Variants in ERBB4 observed in about 807,000 individuals in gnomAD.
ERBB4 encodes receptor tyrosine-protein kinase erbB-4.
Under a neutral mutation model 158.0 loss-of-function variants are expected in ERBB4, and 42 were observed. That is an observed-to-expected ratio of 0.27 (90% CI 0.21 to 0.34). The LOEUF (loss-of-function observed/expected upper bound fraction) is 0.34, where lower values mean the gene tolerates loss of function less well. Among genes scored for constraint, ERBB4 ranks in the 10% least tolerant of loss-of-function variants. The pLI, the probability that ERBB4 is intolerant of heterozygous loss-of-function variation, is 1.00. For missense variants in ERBB4, 1,333 were observed against 1,624.1 expected, an observed-to-expected ratio of 0.82 and a Z score of 3.08; for synonymous variants, 583 against 558.7, an observed-to-expected ratio of 1.04 and a Z score of -0.61.
chr2:211,640,766 ATAG>A (rs1010700058), intron 16 of ERBB4, among the ~76,000 whole-genome samples: 6 of 152,306 alleles, frequency 3.9e-5, no homozygotes, highest in African/African-American at 1.4e-4. Flanking sequence ...CTCATGAGTA[ATAG>A]TGAAAGACAG....
At chr2:211,998,616 G>A (rs1011736490) in intron 2 of ERBB4, among the ~76,000 whole-genome samples, 4 of 148,394 alleles carry the variant, frequency 2.7e-5, no homozygotes, top group African/African-American at 5.0e-5. Flanking sequence ...TGTTTTAAAT[G>A]TAAGACAGCA....
At chr2:212,307,300 G>A (rs12468470) in intron 1 of ERBB4, among the ~76,000 whole-genome samples, 4 of 150,572 alleles carry the variant, frequency 2.7e-5, no homozygotes, top group African/African-American at 9.7e-5. Flanking sequence ...TGACAGCAGG[G>A]TAGTTCCTCT....
intron 20 of ERBB4, among the ~76,000 whole-genome samples, chr2:211,474,283 T>C (rs1239120622): frequency 6.6e-6 from 1 of 151,972 alleles, no homozygotes. Flanking sequence ...AGATAAATAA[T>C]AAAAACCAAA....
rs111279171 is a variant in ERBB4, at chr2:211,666,268, C to T, written c.1717-791G>A. On this transcript the variant is annotated intron_variant, in intron 14 of 27. Transcript: ENST00000342788. Reference sequence around the variant, plus strand: ...GCACATTTTGATGAGCAAAATAGTCCATAATAATAAAGCAAATACATACAA... The same window carrying T: ...GCACATTTTGATGAGCAAAATAGTCTATAATAATAAAGCAAATACATACAA... Among the ~76,000 whole-genome samples, 611 of 151,838 alleles carry T rather than the reference C, an allele frequency of 4.0e-3. 4 individuals carry two copies. The highest frequency in any genetic ancestry group is 0.014 in the African/African-American group (574 of 41,432).
At chr2:212,170,269 C>T (rs1450456412) in intron 1 of ERBB4, among the ~76,000 whole-genome samples, 2 of 152,170 alleles carry the variant, frequency 1.3e-5, no homozygotes, top group African/African-American at 2.4e-5. Flanking sequence ...TATGCTTTAG[C>T]AAAGAGACTG....
At chr2:211,673,279 G>A (rs368629868) in intron 13 of ERBB4, 22 bp from the exon 14 acceptor site, 5 of 1,562,934 alleles carry the variant, frequency 3.2e-6, no homozygotes, top group African/African-American at 2.7e-5. Flanking sequence ...TCAGCCACAT[G>A]AGGAGGTGTA....
intron 19 of ERBB4, among the ~76,000 whole-genome samples, chr2:211,592,894 C>T (rs1246729047): frequency 6.6e-6 from 1 of 151,988 alleles, no homozygotes; most frequent in African/African-American, 2.4e-5. Context: ...ACCTGTAATC[C>T]CAGCTACTTG....
chr2:211,928,728 ATGTC>A (rs370685041), intron 3 of ERBB4, among the ~76,000 whole-genome samples: 14 of 152,336 alleles, frequency 9.2e-5, no homozygotes, highest in African/African-American at 3.4e-4. Context: ...CATCAAAACT[ATGTC>A]TGTCTTGTGA....
intron 1 of ERBB4, among the ~76,000 whole-genome samples, chr2:212,404,820 G>C (rs2091301176): frequency 6.6e-6 from 1 of 151,936 alleles, no homozygotes; most frequent in African/African-American, 2.4e-5. Context: ...CTCTCAAGTA[G>C]TCCCCAGTAT....
At chr2:211,535,593 G>GTGTGTGTA (rs980504161) in intron 20 of ERBB4, 6 of 149,070 alleles carry the variant, frequency 4.0e-5, no homozygotes, top group African/African-American at 1.5e-4. Context: ...GAGTGTATGT[G>GTGTGTGTA]TGTGTGTGTG....
chr2:212,270,467 G>A (rs933520481), intron 1 of ERBB4, among the ~76,000 whole-genome samples: 2 of 151,490 alleles, frequency 1.3e-5, no homozygotes, highest in Admixed American at 6.6e-5. Flanking sequence ...TCCTCCCATC[G>A]TTTATTTTCT....
chr2:211,817,832 A>G (rs1170586089), intron 3 of ERBB4, among the ~76,000 whole-genome samples: 7 of 152,132 alleles, frequency 4.6e-5, no homozygotes, highest in Non-Finnish European at 1.5e-5. Flanking sequence ...TGTACACATG[A>G]CAGCAACATT....
chr2:211,557,586 ATGCTGG>A, intron 20 of ERBB4, among the ~76,000 whole-genome samples: 1 of 152,076 alleles, frequency 6.6e-6, no homozygotes, highest in South Asian at 2.1e-4. Flanking sequence ...ACCAGTCAGA[ATGCTGG>A]TGAGGTTGTG....
intron 14 of ERBB4, among the ~76,000 whole-genome samples, chr2:211,667,177 T>C: frequency 7.4e-6 from 1 of 134,868 alleles, no homozygotes; most frequent in Non-Finnish European, 1.5e-5. Flanking sequence ...AAAGCTGTCC[T>C]GGGTGCATGT....
chr2:212,410,162 T>C (rs1309698196), intron 1 of ERBB4, among the ~76,000 whole-genome samples: 1 of 152,092 alleles, frequency 6.6e-6, no homozygotes, highest in African/African-American at 2.4e-5. Context: ...CAAAAGACTA[T>C]ATTGGGATGA....
At chr2:212,235,758 G>A (rs2105996900) in intron 1 of ERBB4, among the ~76,000 whole-genome samples, 1 of 152,164 alleles carries the variant, frequency 6.6e-6, no homozygotes, top group African/African-American at 2.4e-5. Flanking sequence ...CTCATGATTT[G>A]GCTCTCTCTT....
intron 20 of ERBB4, among the ~76,000 whole-genome samples, chr2:211,492,256 A>G (rs1233692998): frequency 6.6e-6 from 1 of 152,106 alleles, no homozygotes; most frequent in African/African-American, 2.4e-5. Context: ...TCACTAATTA[A>G]TTCAGTTATT....
At chr2:211,914,937 G>T (rs1035459661) in intron 3 of ERBB4, among the ~76,000 whole-genome samples, 2 of 152,020 alleles carry the variant, frequency 1.3e-5, no homozygotes, top group African/African-American at 2.4e-5. Flanking sequence ...CTTGCTTTCT[G>T]CTTAAAATCC....
intron 3 of ERBB4, among the ~76,000 whole-genome samples, chr2:211,889,262 C>T (rs1457869488): frequency 1.4e-5 from 2 of 144,572 alleles, no homozygotes; most frequent in East Asian, 1.9e-4. Context: ...AGCAGCCTAA[C>T]TGGGAGGCAC....
Sources: gnomAD v4.1 joint callset for allele counts (sites outside exome capture counted in the v4.1 genomes callset) on GRCh38, gnomAD v4.1.1 for gene constraint, MANE v1.5 for transcripts, NCBI Gene and HGNC (gene_info 2026-07-23, HGNC 2026-07-21) for gene names.